Variants in HS3ST6 observed in about 807,000 individuals in gnomAD.
HS3ST6 encodes heparan sulfate glucosamine 3-O-sulfotransferase 6.
In HS3ST6, 13 loss-of-function variants were observed where a neutral mutation model predicts 11.0. The ratio of observed to expected loss-of-function variants is 1.18; its 90% CI spans 0.77 to 1.88. The LOEUF (loss-of-function observed/expected upper bound fraction) is 1.88. Among genes scored for constraint, HS3ST6 ranks in the 40% most tolerant of loss-of-function variants. The probability of loss-of-function intolerance (pLI) is 0.00; values close to 1 mark genes in which losing one functional copy is unlikely to be tolerated. For synonymous variants in HS3ST6, 232 were observed against 230.6 expected (o/e 1.01, Z -0.06); for missense variants, 541 against 494.4 (o/e 1.09, Z -0.89).
chr16:1,911,627 A>C lies in HS3ST6; in HGVS notation c.992T>G (p.Phe331Cys). Residue 331 changes from phenylalanine (F) to cysteine (C), a missense_variant, in exon 2 of 2, where the codon TTC (phenylalanine) becomes TGC (cysteine). Coordinates refer to ENST00000454677, the MANE Select transcript of HS3ST6 (RefSeq NM_001009606.4). ...QEFYRPFNRR[F>C]YQMTGQDFGW... ...GAAGTCCTGGCCCGTCATCTGGTAG[A>C]ACCTGCGGTTGAAGGGCCGGTAGAA... 1 of 1,608,638 alleles carries C rather than the reference A, an allele frequency of 6.2e-7. No individual in the cohort carries two copies. Among genetic ancestry groups the C allele is most frequent in the Non-Finnish European group, 8.5e-7 (1 of 1,177,826 alleles).
At chr16:1,917,515 G>A (rs1295896830) in intron 1 of HS3ST6, among the ~76,000 whole-genome samples, 2 of 152,196 alleles carry the variant, frequency 1.3e-5, no homozygotes, top group Non-Finnish European at 2.9e-5. Context: ...CCTTTCTACA[G>A]TACCTGGCCA....
Position 1,914,541 on chromosome 16 carries a change from C to T in HS3ST6, c.414-2336G>A, listed in dbSNP as rs2082913385. Among the ~76,000 whole-genome samples, 3 of 152,336 alleles carry T rather than the reference C, an allele frequency of 2.0e-5. No homozygotes were observed. In the South Asian group the frequency reaches 6.2e-4, roughly 32 times the overall value. ...TCTCGGGCATACTGACCCCAGGCAC[C>T]AAGCGAGACCAGGAGCCCACCCCTT... is the stretch of plus-strand genomic sequence containing the variant. On this transcript the variant is annotated intron_variant, in intron 1 of 1. Transcript: ENST00000454677.
chr16:1,919,583 A>T (rs1234735498), upstream of HS3ST6, among the ~76,000 whole-genome samples: 2 of 152,238 alleles, frequency 1.3e-5, no homozygotes, highest in Non-Finnish European at 2.9e-5. Flanking sequence ...TTCCCAGCCA[A>T]GGGCTTGCGG....
In HS3ST6 at chr16:1,918,032, C is replaced by G. The variant is rs1194060925; in HGVS notation, c.292G>C (p.Val98Leu). Residue 98 changes from valine to leucine, a missense_variant, in exon 1 of 2, where the codon GTG becomes CTG. Val to Leu is a conservative substitution (Grantham distance 32, BLOSUM62 1). Coordinates refer to ENST00000454677, the MANE Select transcript of HS3ST6 (RefSeq NM_001009606.4). This position sits in a 1 kb window ranked among gnomAD's most constrained non-coding sequence, Gnocchi z 6.0. ...AGGGCGCGCGTGCCGCCCTTCTTCA[C>G]GCCAACGATGAGCGCTTGCGGGAAG... ...RRFPQALIVG[V>L]KKGGTRALLE... The G allele has an allele frequency of 1.3e-6, 2 of 1,529,014 alleles. No individual in the cohort carries two copies. The highest frequency in any genetic ancestry group is 2.4e-5 in the South Asian group (2 of 82,284). 94.7% of individuals were successfully genotyped at this position (1,529,014 alleles called of 1,614,324 possible).
intron 1 of HS3ST6, among the ~76,000 whole-genome samples, chr16:1,917,474 T>A (rs2082933761): frequency 6.6e-6 from 1 of 152,102 alleles, no homozygotes; most frequent in South Asian, 2.1e-4. Context: ...GGAAGGACGC[T>A]TTCTAGGTGG....
In HS3ST6 at chr16:1,912,076, C is replaced by A. The variant is rs1395058521; in HGVS notation, c.543G>T (p.Arg181=). Residue 181 remains arginine, a synonymous_variant, in exon 2 of 2, where the codon CGG becomes CGT. Coordinates refer to ENST00000454677, the MANE Select transcript of HS3ST6 (RefSeq NM_001009606.4). This position sits in a 1 kb window ranked among gnomAD's most constrained non-coding sequence, Gnocchi z 5.6. ...SPDTKLIVVV[R]NPVTRAISDY... is the part of the protein sequence containing the mutation. ...CGGAGATGGCCCGGGTCACGGGGTT[C>A]CGCACCACCACGATCAGCTTCGTGT... is the stretch of plus-strand genomic sequence containing the variant. 1.3e-6 allele frequency: 2 copies of A among 1,513,264 alleles called. No individual in the cohort carries two copies. Among genetic ancestry groups the A allele is most frequent in the African/African-American group, 2.8e-5 (2 of 71,132 alleles). 93.7% of individuals were successfully genotyped at this position (1,513,264 alleles called of 1,614,324 possible).
rs61742747 is a variant in HS3ST6 at position 1,911,865 on chromosome 16, G to A, written c.754C>T (p.Leu252=). The change falls in exon 2 of 2, where the codon CTG becomes TTG. Residue 252 remains leucine (L), a synonymous_variant. Coordinates refer to ENST00000454677, the MANE Select transcript of HS3ST6 (RefSeq NM_001009606.4). Reference sequence around the variant, plus strand: ...ACCTCTCCGGCCGGGTCGCTGACCAGACGCTCCCCGCTGACGAACAGGAAG... The same window carrying A: ...ACCTCTCCGGCCGGGTCGCTGACCAAACGCTCCCCGCTGACGAACAGGAAG... ...SHFLFVSGER[L]VSDPAGEVGR... is the part of the protein sequence containing the mutation. The A allele has an allele frequency of 0.033, 52,774 of 1,608,624 alleles. 1,715 individuals carry two copies. The highest frequency in any genetic ancestry group is 0.16 in the African/African-American group (12,280 of 74,892).
rs1212900164 is a variant in HS3ST6 at position 1,912,662 on chromosome 16, A to C, written c.414-457T>G. Among the ~76,000 whole-genome samples the C allele has an allele frequency of 6.6e-6, 1 of 151,944 alleles. No homozygotes were observed. The highest frequency in any genetic ancestry group is 1.5e-5 in the Non-Finnish European group (1 of 67,992). ...GAGGCCCGCCCGCCTAGATCACTTG[A>C]GGTCACCCGTTCACTCAGTGGCTGA... is the stretch of plus-strand genomic sequence containing the variant. On this transcript the variant is annotated intron_variant, in intron 1 of 1. Coordinates refer to ENST00000454677, the MANE Select transcript of HS3ST6 (RefSeq NM_001009606.4). This position sits in a 1 kb window ranked among gnomAD's most constrained non-coding sequence, Gnocchi z 5.6.
chr16:1,914,490 A>G (rs1158665277), intron 1 of HS3ST6, among the ~76,000 whole-genome samples: 1 of 152,134 alleles, frequency 6.6e-6, no homozygotes, highest in Non-Finnish European at 1.5e-5. Flanking sequence ...TCGGCCAGGA[A>G]GGAAGCCCCA....
chr16:1,913,923 G>A (rs2082909044), intron 1 of HS3ST6, among the ~76,000 whole-genome samples: 1 of 152,148 alleles, frequency 6.6e-6, no homozygotes, highest in African/African-American at 2.4e-5. Context: ...CACCATGAGC[G>A]GTGCAGAGTA....
chr16:1,914,711 C>T (rs1418187110), intron 1 of HS3ST6, among the ~76,000 whole-genome samples: 3 of 152,176 alleles, frequency 2.0e-5, no homozygotes, highest in South Asian at 2.1e-4. Context: ...ATGGGGTTCC[C>T]GGACCCCCTG....
At position 1,918,341 on chromosome 16, in the gene HS3ST6, G is replaced by C; in HGVS notation, c.-18C>G. 7.6e-6 allele frequency: 2 copies of C among 263,196 alleles called. No individual in the cohort carries two copies. Among genetic ancestry groups the C allele is most frequent in the Non-Finnish European group, 1.2e-5 (2 of 173,020 alleles). 16.3% of individuals were successfully genotyped at this position (263,196 alleles called of 1,614,324 possible). A position where few individuals can be genotyped will look rare whatever the true frequency, so the allele number is the denominator to read the frequency against. On this transcript the variant is annotated 5_prime_UTR_variant, in exon 1 of 2. Coordinates refer to ENST00000454677, the MANE Select transcript of HS3ST6 (RefSeq NM_001009606.4). This position sits in a 1 kb window ranked among gnomAD's most constrained non-coding sequence, Gnocchi z 6.0. ...CCTGCCATGGGGTCGCGCCGCTCCA[G>C]GCCCGGGAGCGGGGGCAGCAGGCGG...
At position 1,912,144 on chromosome 16, in the gene HS3ST6, C is replaced by A; in HGVS notation, c.475G>T (p.Val159Leu). 1 of 1,490,952 alleles carries A rather than the reference C, an allele frequency of 6.7e-7. No individual in the cohort carries two copies. Among genetic ancestry groups the A allele is most frequent in the Non-Finnish European group, 8.9e-7 (1 of 1,121,664 alleles). The allele number at this position is 1,490,952 out of a possible 1,614,324, so 92.4% of individuals were successfully genotyped here. The stretch of plus-strand genomic sequence containing the variant: ...ATGCGGCGGGGGGCCTCTCGCGTCA[C>A]GAAGTAGCTGGGGGTCTTCTCCATG... ...ITMEKTPSYF[V>L]TREAPRRIHA... Residue 159 changes from valine to leucine, a missense_variant, in exon 2 of 2, where the codon GTG becomes TTG. Physicochemically the swap from Val to Leu is conservative, Grantham distance 32. Coordinates refer to ENST00000454677, the MANE Select transcript of HS3ST6 (RefSeq NM_001009606.4). The surrounding 1 kb of genome is among the most constrained non-coding windows in gnomAD (Gnocchi z 5.6).
At position 1,917,914 on chromosome 16, in the gene HS3ST6, T is replaced by TACCAGGCG. The variant is rs1567299866; in HGVS notation, c.402_409dup (p.Tyr137SerfsTer7). On this transcript the variant is annotated frameshift_variant, in exon 1 of 2. Transcript: ENST00000454677. LOFTEE classifies it low-confidence loss of function (END_TRUNC). ...GCGGACGGGCCAGGGTGCTCACCGGTACCAGGCGAGGCCGCGCTCGTAGCA... is the reference window on the plus strand; with the variant it reads ...GCGGACGGGCCAGGGTGCTCACCGGTACCAGGCGACCAGGCGAGGCCGCGCTCGTAGCA... 2.0e-6 allele frequency: 3 copies of TACCAGGCG among 1,470,812 alleles called. No homozygotes were observed. The highest frequency in any genetic ancestry group is 3.6e-4 in the Middle Eastern group (2 of 5,626). 91.1% of individuals were successfully genotyped at this position (1,470,812 alleles called of 1,614,324 possible).
chr16:1,919,908 A>G (rs1415032231), upstream of HS3ST6, among the ~76,000 whole-genome samples: 1 of 152,172 alleles, frequency 6.6e-6, no homozygotes, highest in Non-Finnish European at 1.5e-5. Flanking sequence ...GCTGGGTCAC[A>G]GGAAATTCTT....
intron 1 of HS3ST6, among the ~76,000 whole-genome samples, chr16:1,913,410 GC>G: frequency 6.6e-6 from 1 of 152,290 alleles, no homozygotes; most frequent in South Asian, 2.1e-4. Context: ...TGGGCAGAGA[GC>G]CCATTCTGGG....
In HS3ST6 at chr16:1,911,551, G is replaced by C. The variant is rs911274860; in HGVS notation, c.*39C>G. On this transcript the variant is annotated 3_prime_UTR_variant, in exon 2 of 2. Transcript: ENST00000454677. ...CGCAGCCCGCTCTGGCCAGGCGAGC[G>C]GGTGTCAATCAAGGTGCTGAGCATC... 13 of 1,536,568 alleles carry C rather than the reference G, an allele frequency of 8.5e-6. No individual in the cohort carries two copies. Among genetic ancestry groups the C allele is most frequent in the Non-Finnish European group, 1.1e-5 (13 of 1,141,732 alleles).
At chr16:1,919,954 G>A (rs1024886259), upstream of HS3ST6, among the ~76,000 whole-genome samples, 4 of 152,174 alleles carry the variant, frequency 2.6e-5, no homozygotes, top group Admixed American at 2.0e-4. Flanking sequence ...TGTTCCCAAC[G>A]GGCTGGCTCG....
intron 1 of HS3ST6, among the ~76,000 whole-genome samples, chr16:1,914,910 G>A (rs34887932): frequency 0.06 from 9,119 of 152,188 alleles, 561 homozygotes; most frequent in African/African-American, 0.16. Flanking sequence ...AGCAGGACTG[G>A]ACCCCCGTGT....
Sources: gnomAD v4.1 joint callset for allele counts (sites outside exome capture counted in the v4.1 genomes callset) on GRCh38, gnomAD v4.1.1 for gene constraint, Gnocchi (gnomAD v3.1) non-coding constraint, MANE v1.5 for transcripts, NCBI Gene and HGNC (gene_info 2026-07-23, HGNC 2026-07-21) for gene names.